Variants in ZNF800 observed in about 807,000 individuals in gnomAD.
The protein encoded by ZNF800 is zinc finger protein 800.
ZNF800 carries 13 observed loss-of-function variants against 59.5 expected under a neutral mutation model. The observed-to-expected ratio is 0.22, with a 90% CI of 0.14 to 0.35. The LOEUF is 0.35. ZNF800 is among the 10% of genes least tolerant of loss of function. The probability of loss-of-function intolerance (pLI) is 1.00; values close to 1 mark genes in which losing one functional copy is unlikely to be tolerated. For synonymous variants in ZNF800, 266 were observed against 265.7 expected (o/e 1.00, Z -0.01); for missense variants, 621 against 783.7 (o/e 0.79, Z 2.48).
Position 127,373,974 on chromosome 7 carries a change from G to A in ZNF800, c.1362C>T (p.Asp454=). Residue 454 remains aspartate (D), a synonymous_variant, in exon 5 of 6, where the codon GAC becomes GAT. Coordinates refer to ENST00000265827, the MANE Select transcript of ZNF800 (RefSeq NM_176814.5). ...PAAQKNKVKQ[D]SESPKSTSPS... ...GACTAGTTGATTTAGGGCTTTCAGA[G>A]TCTTGTTTAACTTTATTTTTCTGTG... is the stretch of plus-strand genomic sequence containing the variant. The A allele has an allele frequency of 2.5e-6, 4 of 1,613,906 alleles. No individual in the cohort carries two copies. Among genetic ancestry groups the A allele is most frequent in the Non-Finnish European group, 3.4e-6 (4 of 1,179,962 alleles).
chr7:127,369,301 T>A (rs897641963), downstream of ZNF800, among the ~76,000 whole-genome samples: 1 of 152,164 alleles, frequency 6.6e-6, no homozygotes, highest in African/African-American at 2.4e-5. Context: ...ATAGGTCTTA[T>A]ATAAAATAAG....
chr7:127,359,766 G>GA (rs1800360011), intron 1 of ZNF800: 1 of 151,888 alleles, frequency 6.6e-6, no homozygotes, highest in South Asian at 2.1e-4. Flanking sequence ...ATGGTCATTG[G>GA]AAAAAACGAA....
intron 1 of ZNF800, 143 bp downstream of exon 1, chr7:127,391,917 G>A: frequency 5.4e-6 from 2 of 369,308 alleles, no homozygotes; most frequent in Non-Finnish European, 4.8e-6. Context: ...AGCGCAGAGC[G>A]CGGCGGGCAC....
intron 3 of ZNF800, among the ~76,000 whole-genome samples, chr7:127,384,182 T>G (rs540769205): frequency 6.7e-6 from 1 of 149,292 alleles, no homozygotes; most frequent in Admixed American, 6.7e-5. Flanking sequence ...GATAAGGCTG[T>G]TTTTTAACAA....
chr7:127,378,718 T>TAC (rs112511268), intron 3 of ZNF800, among the ~76,000 whole-genome samples: 133,821 of 149,450 alleles, frequency 0.9, 59,958 homozygotes, highest in East Asian at 0.99. Context: ...CCCCACAACA[T>TAC]ACACACACAC....
intron 1 of ZNF800, among the ~76,000 whole-genome samples, chr7:127,353,373 T>C (rs2117024976): frequency 6.6e-6 from 1 of 152,146 alleles, no homozygotes; most frequent in South Asian, 2.1e-4. Context: ...AAAGTCAGAA[T>C]GCAGTAAGAA....
rs748779923 is a variant in ZNF800 at position 127,386,174 on chromosome 7, C to A, written c.62-19G>T. On this transcript the variant is annotated intron_variant, in intron 2 of 5. Transcript: ENST00000265827. ...ATATAAACTACATGGAAGACAAACA[C>A]CCACCCCAATCCCCACAAAAAAAGG... is the stretch of plus-strand genomic sequence containing the variant. 2 of 1,491,064 alleles carry A rather than the reference C, an allele frequency of 1.3e-6. No individual in the cohort carries two copies. The highest frequency in any genetic ancestry group is 3.4e-5 in the Admixed American group (2 of 58,042). 92.4% of individuals were successfully genotyped at this position (1,491,064 alleles called of 1,614,324 possible). A position where few individuals can be genotyped will look rare whatever the true frequency, so the allele number is the denominator to read the frequency against.
At chr7:127,352,699 G>A (rs1487691659) in intron 1 of ZNF800, among the ~76,000 whole-genome samples, 2 of 152,200 alleles carry the variant, frequency 1.3e-5, no homozygotes, top group African/African-American at 4.8e-5. Flanking sequence ...GAACTGAATT[G>A]TGGAATTTAT....
chr7:127,388,611 T>A (rs796143310), intron 2 of ZNF800, among the ~76,000 whole-genome samples: 1 of 816 alleles, frequency 1.2e-3, no homozygotes, highest in East Asian at 0.5. Context: ...TCCATTTGTA[T>A]AAATGTGCTC....
chr7:127,382,384 T>C (rs1185062872), intron 3 of ZNF800, among the ~76,000 whole-genome samples: 3 of 152,222 alleles, frequency 2.0e-5, no homozygotes, highest in African/African-American at 4.8e-5. Context: ...GTAAAGGTAG[T>C]ACACTTTTTA....
exon 2 of ZNF800, chr7:127,347,084 C>T (rs895274910): frequency 1.3e-5 from 2 of 152,380 alleles, no homozygotes; most frequent in Admixed American, 6.5e-5. Context: ...CAGTCACTTC[C>T]GCTCCGTGGA....
At chr7:127,357,023 A>ACCTATG (rs1800285381) in intron 1 of ZNF800, among the ~76,000 whole-genome samples, 2 of 152,024 alleles carry the variant, frequency 1.3e-5, no homozygotes, top group African/African-American at 4.8e-5. Flanking sequence ...TGGTATACAG[A>ACCTATG]CCTATGCTTT....
intron 1 of ZNF800, chr7:127,363,797 TAAAGTGATTTAAACTGG>T (rs1800444432): frequency 6.6e-6 from 1 of 151,990 alleles, no homozygotes; most frequent in Non-Finnish European, 1.5e-5. Flanking sequence ...CAAAAGAGGC[TAAAGTGATTTAAACTGG>T]AAAGAATAAT....
At chr7:127,367,480 G>A (rs1269663509), downstream of ZNF800, among the ~76,000 whole-genome samples, 1 of 152,104 alleles carries the variant, frequency 6.6e-6, no homozygotes, top group Admixed American at 6.6e-5. Context: ...TGAAAGAATA[G>A]GTTTTACTTC....
chr7:127,386,410 T>C (rs113956113), intron 2 of ZNF800, among the ~76,000 whole-genome samples: 2,269 of 152,300 alleles, frequency 0.015, 62 homozygotes, highest in African/African-American at 0.052. Flanking sequence ...AGGCTAGATA[T>C]TAGGTTTCAA....
rs772664457 is a variant in ZNF800, at chr7:127,374,970, T to A, written c.366A>T (p.Pro122=). Residue 122 remains proline, a synonymous_variant, in exon 5 of 6, where the codon CCA becomes CCT. Transcript: ENST00000265827. ...TAATATATTCTCGTTTGTCCACACT[T>A]GGATATATGGCTTCTAGGAGATCAT... The part of the protein sequence containing the change: ...AINDLLEAIY[P]SVDKREYIIK... The A allele has an allele frequency of 3.7e-6, 6 of 1,612,324 alleles. No individual in the cohort carries two copies. The Admixed American group carries it at 1.0e-4, about 27-fold the overall frequency.
At chr7:127,389,962 T>C in intron 2 of ZNF800, among the ~76,000 whole-genome samples, 1 of 152,324 alleles carries the variant, frequency 6.6e-6, no homozygotes, top group South Asian at 2.1e-4. Flanking sequence ...CTTATTTGTT[T>C]ACTTCTTTAT....
chr7:127,363,198 A>T (rs1408665267), intron 1 of ZNF800: 1 of 152,122 alleles, frequency 6.6e-6, no homozygotes, highest in East Asian at 1.9e-4. Context: ...TGACACATTC[A>T]TGTGGAGATG....
chr7:127,388,344 C>T (rs1801204521), intron 2 of ZNF800, among the ~76,000 whole-genome samples: 1 of 152,124 alleles, frequency 6.6e-6, no homozygotes, highest in Admixed American at 6.5e-5. Context: ...TGTAAACAGA[C>T]CAGTATCGTC....
Sources: gnomAD v4.1 joint callset for allele counts (sites outside exome capture counted in the v4.1 genomes callset) on GRCh38, gnomAD v4.1.1 for gene constraint, MANE v1.5 for transcripts, NCBI Gene and HGNC (gene_info 2026-07-23, HGNC 2026-07-21) for gene names.